The following AGAP1 variants were observed in gnomAD, a reference collection of about 807,000 sequenced individuals.
AGAP1 encodes the protein arf-GAP with GTPase, ANK repeat and PH domain-containing protein 1.
In AGAP1, 29 loss-of-function variants were observed where a neutral mutation model predicts 105.3. The observed-to-expected ratio is 0.28, with a 90% CI of 0.21 to 0.38. AGAP1 has a LOEUF of 0.38. Among genes scored for constraint, AGAP1 ranks in the 10% least tolerant of loss-of-function variants. The pLI, the probability that AGAP1 is intolerant of heterozygous loss-of-function variation, is 1.00. For missense variants in AGAP1, 998 were observed against 1,165.1 expected, an observed-to-expected ratio of 0.86 and a Z score of 2.09; for synonymous variants, 509 against 485.9, an observed-to-expected ratio of 1.05 and a Z score of -0.63.
Position 235,931,010 on chromosome 2 carries a change from T to G in AGAP1, c.1483+87T>G. 1 of 1,466,412 alleles carries G rather than the reference T, an allele frequency of 6.8e-7. No individual in the cohort carries two copies. Among genetic ancestry groups the G allele is most frequent in the Non-Finnish European group, 9.1e-7 (1 of 1,093,336 alleles). 90.8% of individuals were successfully genotyped at this position (1,466,412 alleles called of 1,614,324 possible). On this transcript the variant is annotated intron_variant, in intron 12 of 17. Transcript: ENST00000304032. This position sits in a 1 kb window ranked among gnomAD's most constrained non-coding sequence, Gnocchi z 5.6. ...GGGCTGGACAGGACGCCCTAAGCTC[T>G]CATGCTCCTCTGGGAGCGCAGCACC...
At chr2:235,605,051 G>A (rs1945881437) in intron 1 of AGAP1, among the ~76,000 whole-genome samples, 2 of 151,514 alleles carry the variant, frequency 1.3e-5, no homozygotes, top group Admixed American at 6.6e-5. Context: ...GCTAATTTTT[G>A]TATTTTTAGT....
intron 1 of AGAP1, among the ~76,000 whole-genome samples, chr2:235,515,317 T>G (rs568778260): frequency 2.0e-5 from 3 of 152,270 alleles, no homozygotes; most frequent in Non-Finnish European, 4.4e-5. Flanking sequence ...TTTAGGGCAC[T>G]GCTTGGGTTG....
rs545015976 is a variant in AGAP1 at position 235,845,849 on chromosome 2, G to C, written c.1051-37496G>C. Among the ~76,000 whole-genome samples the C allele has an allele frequency of 3.9e-5, 6 of 151,950 alleles. No individual in the cohort carries two copies. The highest frequency in any genetic ancestry group is 1.4e-4 in the African/African-American group (6 of 41,434). ...CATGTGGTTTGGGGCCTGGATGTGT[G>C]TTTGGGCCTCCTCACTGGTTTCCAA... On this transcript the variant is annotated intron_variant, in intron 9 of 17. Transcript: ENST00000304032. The surrounding 1 kb of genome is among the most constrained non-coding windows in gnomAD (Gnocchi z 4.8).
intron 1 of AGAP1, among the ~76,000 whole-genome samples, chr2:235,541,117 C>A (rs547523983): frequency 2.0e-5 from 3 of 152,246 alleles, no homozygotes; most frequent in African/African-American, 7.2e-5. Flanking sequence ...CAGTTAAACG[C>A]AGTAGCTCTA....
intron 1 of AGAP1, among the ~76,000 whole-genome samples, chr2:235,624,893 C>A (rs1485882856): frequency 6.6e-6 from 1 of 152,040 alleles, no homozygotes; most frequent in Non-Finnish European, 1.5e-5. Context: ...ATGCCCCTTC[C>A]CCACTCCCCG....
At chr2:235,948,726 G>C (rs979995984) in intron 12 of AGAP1, among the ~76,000 whole-genome samples, 5 of 152,112 alleles carry the variant, frequency 3.3e-5, no homozygotes, top group African/African-American at 1.2e-4. Context: ...AGGGGACAGT[G>C]GGGGCACAGC....
Position 235,961,159 on chromosome 2 carries a change from ACAC to A in AGAP1, c.1484-7302_1484-7300del. On this transcript the variant is annotated intron_variant, in intron 12 of 17. Coordinates refer to ENST00000304032, the MANE Select transcript of AGAP1 (RefSeq NM_001037131.3). This position sits in a 1 kb window ranked among gnomAD's most constrained non-coding sequence, Gnocchi z 5.9. The stretch of plus-strand genomic sequence containing the variant: ...GGGAAGATGTTCCGTAAACAAAGAA[ACAC>A]GCATGGAGCATGTCATGTCCCCATG... Among the ~76,000 whole-genome samples the A allele has an allele frequency of 6.6e-6, 1 of 152,362 alleles. No individual in the cohort carries two copies. Among genetic ancestry groups the A allele is most frequent in the East Asian group, 1.9e-4 (1 of 5,174 alleles).
At chr2:235,833,587 A>G (rs539301407) in intron 9 of AGAP1, among the ~76,000 whole-genome samples, 3 of 150,892 alleles carry the variant, frequency 2.0e-5, no homozygotes, top group East Asian at 3.9e-4. Flanking sequence ...GATCCCACCT[A>G]TCCTGGCTTC....
intron 6 of AGAP1, among the ~76,000 whole-genome samples, chr2:235,757,486 A>G (rs1169108360): frequency 1.3e-5 from 2 of 152,162 alleles, no homozygotes; most frequent in East Asian, 3.9e-4. Flanking sequence ...ATGGGTGTTT[A>G]TCTGGTAGAG....
intron 1 of AGAP1, among the ~76,000 whole-genome samples, chr2:235,603,256 C>T (rs1478553706): frequency 2.0e-5 from 3 of 152,200 alleles, no homozygotes; most frequent in Admixed American, 1.3e-4. Context: ...ATGTGCCTTT[C>T]ACCTTCTGCC....
chr2:236,000,245 C>G lies in AGAP1; in HGVS notation c.1645+31622C>G, dbSNP rs146855232. Among the ~76,000 whole-genome samples, 1,343 of 152,274 alleles carry G rather than the reference C, an allele frequency of 8.8e-3. 14 individuals are homozygous for G. Among genetic ancestry groups the G allele is most frequent in the African/African-American group, 0.031 (1,282 of 41,538 alleles). On this transcript the variant is annotated intron_variant, in intron 13 of 17. Transcript: ENST00000304032. This position sits in a 1 kb window ranked among gnomAD's most constrained non-coding sequence, Gnocchi z 4.3. ...CATCAATAGGTTCTTAAAACTTCGA[C>G]TTGAAGCGAAAGGACTTATAATGAA...
chr2:235,658,749 G>A (rs1335569474), intron 1 of AGAP1, among the ~76,000 whole-genome samples: 1 of 152,218 alleles, frequency 6.6e-6, no homozygotes, highest in Non-Finnish European at 1.5e-5. Flanking sequence ...GGATTTGGGA[G>A]ATAATCCTAA....
intron 1 of AGAP1, among the ~76,000 whole-genome samples, chr2:235,702,120 G>A (rs1950286623): frequency 6.6e-6 from 1 of 152,026 alleles, no homozygotes; most frequent in South Asian, 2.1e-4. Context: ...CGTATTTGTG[G>A]TTCCTGGAGC....
At position 236,114,136 on chromosome 2, in the gene AGAP1, G is replaced by A. The variant is rs149043063; in HGVS notation, c.2115-6056G>A. Among the ~76,000 whole-genome samples the A allele has an allele frequency of 7.2e-3, 1,091 of 152,190 alleles. 13 individuals carry two copies. Among genetic ancestry groups the A allele is most frequent in the African/African-American group, 0.024 (1,011 of 41,526 alleles). On this transcript the variant is annotated intron_variant, in intron 16 of 17. Transcript: ENST00000304032. The surrounding 1 kb of genome is among the most constrained non-coding windows in gnomAD (Gnocchi z 5.0). ...TTCATTTTTTAGCTCATTAGCTAAC[G>A]GAGGCTGTGAACGGTGATCCTCCCG...
rs181572905 is a variant in AGAP1 at position 235,866,871 on chromosome 2, C to T, written c.1051-16474C>T. Among the ~76,000 whole-genome samples the T allele has an allele frequency of 1.3e-5, 2 of 152,272 alleles. No homozygotes were observed. The highest frequency in any genetic ancestry group is 4.8e-5 in the African/African-American group (2 of 41,560). Reference sequence around the variant, plus strand: ...GGACAACAGTCATATTGGATTAGGGCCCATCCTAACAGCCTTATTTTAACA... The same window carrying T: ...GGACAACAGTCATATTGGATTAGGGTCCATCCTAACAGCCTTATTTTAACA... On this transcript the variant is annotated intron_variant, in intron 9 of 17. Coordinates refer to ENST00000304032, the MANE Select transcript of AGAP1 (RefSeq NM_001037131.3). The surrounding 1 kb of genome is among the most constrained non-coding windows in gnomAD (Gnocchi z 6.1).
In AGAP1 at chr2:235,787,518, G is replaced by A. The variant is rs1256033561; in HGVS notation, c.674-10241G>A. 6.6e-6 allele frequency among the ~76,000 whole-genome samples: 1 copy of A among 152,170 alleles called. No homozygotes were observed. Among genetic ancestry groups the A allele is most frequent in the Non-Finnish European group, 1.5e-5 (1 of 68,030 alleles). ...AAAGGTGCAGACAAGGTGTGCAGGAGGTGGATGTGATGTTGTGGTTGGTTG... is the reference window on the plus strand; with the variant it reads ...AAAGGTGCAGACAAGGTGTGCAGGAAGTGGATGTGATGTTGTGGTTGGTTG... On this transcript the variant is annotated intron_variant, in intron 6 of 17. Transcript: ENST00000304032. The surrounding 1 kb of genome is among the most constrained non-coding windows in gnomAD (Gnocchi z 4.4).
At chr2:236,111,782 T>A (rs1236412894) in intron 16 of AGAP1, among the ~76,000 whole-genome samples, 1 of 119,218 alleles carries the variant, frequency 8.4e-6, no homozygotes, top group Non-Finnish European at 1.7e-5. Context: ...ACAGTGCGAC[T>A]CTATCTCAAA....
chr2:235,548,348 C>G (rs1188536661), intron 1 of AGAP1, among the ~76,000 whole-genome samples: 1 of 152,170 alleles, frequency 6.6e-6, no homozygotes, highest in African/African-American at 2.4e-5. Flanking sequence ...TTTCAGCACT[C>G]TCCAACTTAC....
intron 12 of AGAP1, among the ~76,000 whole-genome samples, chr2:235,935,517 A>G (rs760317729): frequency 6.6e-6 from 1 of 152,200 alleles, no homozygotes; most frequent in Non-Finnish European, 1.5e-5. Flanking sequence ...CCTCTTGTGT[A>G]GATTCTTTAT....
Sources: gnomAD v4.1 joint callset for allele counts (sites outside exome capture counted in the v4.1 genomes callset) on GRCh38, gnomAD v4.1.1 for gene constraint, Gnocchi (gnomAD v3.1) non-coding constraint, MANE v1.5 for transcripts, NCBI Gene and HGNC (gene_info 2026-07-23, HGNC 2026-07-21) for gene names.